GABBR2: variants seen among roughly 807,000 people sequenced by gnomAD.
The protein encoded by GABBR2 is G-protein coupled receptor 51.
A neutral mutation model predicts 105.6 loss-of-function variants in GABBR2; 23 were observed. The observed-to-expected ratio is 0.22, with a 90% CI of 0.16 to 0.31. GABBR2 has a LOEUF of 0.31. Ranked by LOEUF, GABBR2 falls within the 10% of genes least tolerant of loss-of-function variation. The pLI is 1.00. For synonymous variants in GABBR2, 478 were observed against 499.7 expected, an observed-to-expected ratio of 0.96 and a Z score of 0.58; for missense variants, 734 against 1,245.5, an observed-to-expected ratio of 0.59 and a Z score of 6.18.
chr9:98,440,291 C>T (rs750557634), intron 7 of GABBR2, among the ~76,000 whole-genome samples: 28 of 152,320 alleles, frequency 1.8e-4, no homozygotes, highest in South Asian at 1.2e-3. Context: ...TGTCCCATCT[C>T]TATTTACAAG....
intron 1 of GABBR2, among the ~76,000 whole-genome samples, chr9:98,658,822 C>T (rs548496849): frequency 2.6e-5 from 4 of 152,074 alleles, no homozygotes; most frequent in Non-Finnish European, 5.9e-5. Flanking sequence ...AGTCGTGAGA[C>T]CCCCAACTCA....
At chr9:98,403,869 A>C (rs182598211) in intron 8 of GABBR2, among the ~76,000 whole-genome samples, 1 of 151,978 alleles carries the variant, frequency 6.6e-6, no homozygotes, top group East Asian at 1.9e-4. Context: ...TTATACTCCT[A>C]TTTTACAGAT....
intron 7 of GABBR2, among the ~76,000 whole-genome samples, chr9:98,423,637 T>C (rs1832823922): frequency 6.6e-6 from 1 of 152,260 alleles, no homozygotes; most frequent in Non-Finnish European, 1.5e-5. Flanking sequence ...ATTTTGTCTT[T>C]TGTTGCCATT....
chr9:98,537,960 C>T (rs1440478476), intron 3 of GABBR2, among the ~76,000 whole-genome samples: 2 of 152,182 alleles, frequency 1.3e-5, no homozygotes, highest in Non-Finnish European at 2.9e-5. Context: ...CCACTCACCC[C>T]CAGGCTGTGT....
intron 3 of GABBR2, among the ~76,000 whole-genome samples, chr9:98,531,215 AC>A (rs1828061180): frequency 6.6e-6 from 1 of 152,154 alleles, no homozygotes; most frequent in Non-Finnish European, 1.5e-5. Flanking sequence ...TGGCGTTGGC[AC>A]CACAGACCCA....
chr9:98,657,729 C>T (rs950585756), intron 1 of GABBR2, among the ~76,000 whole-genome samples: 1 of 152,250 alleles, frequency 6.6e-6, no homozygotes, highest in African/African-American at 2.4e-5. Flanking sequence ...AAGAGCGGGA[C>T]CAGGTGGAGG....
chr9:98,669,047 T>C (rs1830374451), intron 1 of GABBR2, among the ~76,000 whole-genome samples: 1 of 152,182 alleles, frequency 6.6e-6, no homozygotes, highest in South Asian at 2.1e-4. Context: ...CTTTGAATTA[T>C]TTTGAGTGTC....
chr9:98,371,614 A>G lies in GABBR2; in HGVS notation c.1663-43T>C, dbSNP rs191083124. On this transcript the variant is annotated intron_variant, in intron 11 of 18. Coordinates refer to ENST00000259455, the MANE Select transcript of GABBR2 (RefSeq NM_005458.8). Reference sequence around the variant, plus strand: ...ACAGAGGCATTGACCTTCCTTAGGTAGACAGACTTCATCAGGTATGAGTCC... The same window carrying G: ...ACAGAGGCATTGACCTTCCTTAGGTGGACAGACTTCATCAGGTATGAGTCC... 1.0e-3 allele frequency: 1,077 copies of G among 1,067,590 alleles called. 14 individuals are homozygous for G. The Admixed American group carries it at 0.017, about 17-fold the overall frequency. The allele number at this position is 1,067,590 out of a possible 1,614,324, so 66.1% of individuals were successfully genotyped here. A position where few individuals can be genotyped will look rare whatever the true frequency, so the allele number is the denominator to read the frequency against.
At chr9:98,685,840 A>G (rs1283801796) in intron 1 of GABBR2, among the ~76,000 whole-genome samples, 1 of 151,984 alleles carries the variant, frequency 6.6e-6, no homozygotes, top group Admixed American at 6.6e-5. Context: ...CTACACACAC[A>G]CACACCATCA....
At chr9:98,418,239 T>G (rs1202536204) in intron 7 of GABBR2, among the ~76,000 whole-genome samples, 1 of 151,974 alleles carries the variant, frequency 6.6e-6, no homozygotes, top group Admixed American at 6.6e-5. Context: ...AAGTAGATGA[T>G]GCATGAGGTG....
chr9:98,317,494 C>T (rs1830738894), intron 13 of GABBR2, among the ~76,000 whole-genome samples: 2 of 152,228 alleles, frequency 1.3e-5, no homozygotes, highest in African/African-American at 4.8e-5. Flanking sequence ...AAGCCTTGGT[C>T]CTGCTACAGA....
intron 1 of GABBR2, among the ~76,000 whole-genome samples, chr9:98,578,804 G>T (rs577691174): frequency 2.0e-5 from 3 of 152,294 alleles, no homozygotes; most frequent in Non-Finnish European, 4.4e-5. Context: ...TCGGACACAC[G>T]CTACAACGTG....
At chr9:98,378,778 G>A (rs796093921) in intron 11 of GABBR2, among the ~76,000 whole-genome samples, 2 of 152,332 alleles carry the variant, frequency 1.3e-5, no homozygotes, top group East Asian at 3.9e-4. Context: ...GAGACAGGGA[G>A]GGCCTCTGGG....
intron 7 of GABBR2, among the ~76,000 whole-genome samples, chr9:98,407,465 G>A (rs1319969442): frequency 2.6e-5 from 4 of 152,282 alleles, no homozygotes; most frequent in East Asian, 1.9e-4. Context: ...TTCAGGTGAC[G>A]GTAAGCAACT....
chr9:98,529,142 C>T (rs1208328809), intron 3 of GABBR2, among the ~76,000 whole-genome samples: 2 of 149,106 alleles, frequency 1.3e-5, no homozygotes, highest in African/African-American at 2.5e-5. Context: ...TTGAAATGGC[C>T]GGCCAAAAAA....
chr9:98,464,683 G>A (rs1047806496), intron 6 of GABBR2, among the ~76,000 whole-genome samples: 1 of 152,078 alleles, frequency 6.6e-6, no homozygotes, highest in Non-Finnish European at 1.5e-5. Context: ...AGAAAAGGGG[G>A]AAATGTGGGG....
intron 1 of GABBR2, among the ~76,000 whole-genome samples, chr9:98,671,594 T>C (rs1321935968): frequency 6.6e-6 from 1 of 152,208 alleles, no homozygotes; most frequent in Non-Finnish European, 1.5e-5. Flanking sequence ...CCAAAGACCA[T>C]TTACATTCCC....
intron 1 of GABBR2, among the ~76,000 whole-genome samples, chr9:98,624,467 T>C (rs1829707718): frequency 6.6e-6 from 1 of 152,194 alleles, no homozygotes; most frequent in African/African-American, 2.4e-5. Context: ...TCCTAATTGT[T>C]CAAATACTGT....
At chr9:98,564,902 T>G (rs539800799) in intron 2 of GABBR2, among the ~76,000 whole-genome samples, 3 of 152,102 alleles carry the variant, frequency 2.0e-5, no homozygotes, top group East Asian at 1.9e-4. Context: ...TGGGGAAGAC[T>G]AGGAAGCCTT....
Sources: allele counts gnomAD v4.1 joint callset (sites outside exome capture counted in the v4.1 genomes callset), GRCh38; gene constraint gnomAD v4.1.1; transcripts MANE v1.5; gene names NCBI Gene and HGNC (gene_info 2026-07-23, HGNC 2026-07-21).